The following AUTS2 variants were observed in gnomAD, a reference collection of about 807,000 sequenced individuals.
AUTS2 encodes activator of transcription and developmental regulator AUTS2.
Under a neutral mutation model 112.4 loss-of-function variants are expected in AUTS2, and 17 were observed. That is an observed-to-expected ratio of 0.15 (90% CI 0.10 to 0.23). The LOEUF (loss-of-function observed/expected upper bound fraction) is 0.23, where lower values mean the gene tolerates loss of function less well. AUTS2 is among the 10% of genes least tolerant of loss of function. The pLI is 1.00. For missense variants in AUTS2, 1,510 were observed against 1,701.6 expected, an observed-to-expected ratio of 0.89 and a Z score of 1.98; for synonymous variants, 751 against 702.7, an observed-to-expected ratio of 1.07 and a Z score of -1.09.
chr7:70,762,355 T>G (rs1789616704), intron 6 of AUTS2, among the ~76,000 whole-genome samples: 1 of 152,132 alleles, frequency 6.6e-6, no homozygotes, highest in African/African-American at 2.4e-5. Flanking sequence ...CAGGGTGCTC[T>G]TGAACTCCTG....
intron 1 of AUTS2, among the ~76,000 whole-genome samples, chr7:69,710,710 C>G (rs367586374): frequency 6.6e-5 from 10 of 152,204 alleles, no homozygotes; most frequent in Non-Finnish European, 1.3e-4. Context: ...GAAGATGGCT[C>G]GACTCTGACT....
At chr7:70,758,207 T>C (rs2178044) in intron 6 of AUTS2, among the ~76,000 whole-genome samples, 66,874 of 152,070 alleles carry the variant, frequency 0.44, 17,127 homozygotes, top group Non-Finnish European at 0.58. Flanking sequence ...AGGTGTTCCA[T>C]TGTGTGGATC....
Position 70,554,155 on chromosome 7 carries a change from G to A in AUTS2, c.690+118374G>A, listed in dbSNP as rs184796787. Among the ~76,000 whole-genome samples the A allele has an allele frequency of 2.0e-3, 288 of 144,420 alleles. 1 individual carries two copies. Among genetic ancestry groups the A allele is most frequent in the African/African-American group, 7.0e-3 (271 of 38,936 alleles). 94.7% of individuals were successfully genotyped at this position (144,420 alleles called of 152,430 possible). On this transcript the variant is annotated intron_variant, in intron 5 of 18. Coordinates refer to ENST00000342771, the MANE Select transcript of AUTS2 (RefSeq NM_015570.4). ...GCGATCTCCACTCAATGCAACCTCC[G>A]CCTCCTGGGTTCAAGTGATTCTCCT... is the stretch of plus-strand genomic sequence containing the variant.
chr7:69,604,104 A>G (rs1792582210), intron 1 of AUTS2, among the ~76,000 whole-genome samples: 1 of 152,224 alleles, frequency 6.6e-6, no homozygotes, highest in South Asian at 2.1e-4. Context: ...TAGGCTTATG[A>G]AAGTAAAGGA....
chr7:70,433,372 C>T (rs1022488178), intron 4 of AUTS2, among the ~76,000 whole-genome samples: 1 of 152,190 alleles, frequency 6.6e-6, no homozygotes. Flanking sequence ...ATGAGCCTGC[C>T]TGGCAAAATA....
chr7:70,595,378 A>T (rs1461003147), intron 5 of AUTS2, among the ~76,000 whole-genome samples: 2 of 151,968 alleles, frequency 1.3e-5, no homozygotes, highest in Non-Finnish European at 1.5e-5. Flanking sequence ...TTTCTGAACT[A>T]TGTTGGCATA....
intron 5 of AUTS2, among the ~76,000 whole-genome samples, chr7:70,658,911 G>A (rs1462909703): frequency 6.6e-6 from 1 of 152,126 alleles, no homozygotes; most frequent in East Asian, 1.9e-4. Context: ...GCAGAAATGG[G>A]GAAATTTCAT....
intron 4 of AUTS2, among the ~76,000 whole-genome samples, chr7:70,361,814 A>G (rs1003594811): frequency 3.3e-5 from 5 of 152,182 alleles, no homozygotes; most frequent in African/African-American, 1.2e-4. Flanking sequence ...TCAACTCTGC[A>G]AGCTACTAAA....
At chr7:70,456,004 T>A (rs1796724304) in intron 5 of AUTS2, among the ~76,000 whole-genome samples, 1 of 152,156 alleles carries the variant, frequency 6.6e-6, no homozygotes, top group Non-Finnish European at 1.5e-5. Context: ...AACTTCAGTA[T>A]CCTCAGCTTT....
chr7:70,514,407 T>C (rs1300197605), intron 5 of AUTS2, among the ~76,000 whole-genome samples: 1 of 152,244 alleles, frequency 6.6e-6, no homozygotes, highest in Admixed American at 6.5e-5. Context: ...GCTTGGCTTC[T>C]GGTGAGGCCT....
chr7:70,565,890 A>C (rs1198584377), intron 5 of AUTS2, among the ~76,000 whole-genome samples: 1 of 152,210 alleles, frequency 6.6e-6, no homozygotes, highest in Non-Finnish European at 1.5e-5. Context: ...AAGCAAGTTC[A>C]AGGTAGCTTG....
chr7:70,727,720 A>C (rs1472565085), intron 6 of AUTS2, among the ~76,000 whole-genome samples: 1 of 152,212 alleles, frequency 6.6e-6, no homozygotes. Flanking sequence ...TTAATCATCT[A>C]ATGTATCCCA....
intron 5 of AUTS2, among the ~76,000 whole-genome samples, chr7:70,633,077 T>TC (rs1440066832): frequency 1.1e-4 from 16 of 151,928 alleles, no homozygotes; most frequent in Non-Finnish European, 1.9e-4. Context: ...CCCCATGGGG[T>TC]AGAGGGCAAG....
intron 2 of AUTS2, among the ~76,000 whole-genome samples, chr7:70,054,124 T>C (rs1209939113): frequency 6.6e-6 from 1 of 152,200 alleles, no homozygotes; most frequent in African/African-American, 2.4e-5. Context: ...ATGCATTTGA[T>C]ATGTGGCTAG....
Position 70,290,543 on chromosome 7 carries a change from A to G in AUTS2, c.661-145209A>G, listed in dbSNP as rs749626480. On this transcript the variant is annotated intron_variant, in intron 4 of 18. Transcript: ENST00000342771. ...GTGTGGTCACTCACATTTGAATTCT[A>G]ATACTCTATGTGATATAGATTCTGT... The G allele has an allele frequency of 5.9e-6, 9 of 1,521,772 alleles. No homozygotes were observed. The Admixed American group carries it at 9.1e-5, about 15-fold the overall frequency. The allele number at this position is 1,521,772 out of a possible 1,614,324, so 94.3% of individuals were successfully genotyped here. A position where few individuals can be genotyped will look rare whatever the true frequency, so the allele number is the denominator to read the frequency against.
chr7:70,220,786 T>C (rs1562796551), intron 4 of AUTS2, among the ~76,000 whole-genome samples: 1 of 152,202 alleles, frequency 6.6e-6, no homozygotes, highest in Non-Finnish European at 1.5e-5. Flanking sequence ...ATTCCTATCA[T>C]TTTTCCCCCA....
intron 5 of AUTS2, among the ~76,000 whole-genome samples, chr7:70,577,667 T>C (rs1438096750): frequency 6.6e-6 from 1 of 152,178 alleles, no homozygotes; most frequent in African/African-American, 2.4e-5. Flanking sequence ...ACGGCAACAG[T>C]TTCTTAGTTT....
intron 1 of AUTS2, among the ~76,000 whole-genome samples, chr7:69,730,350 T>G (rs1018297567): frequency 3.9e-5 from 6 of 152,290 alleles, no homozygotes; most frequent in Non-Finnish European, 8.8e-5. Flanking sequence ...ATGAACAAAC[T>G]TGTCATCCCT....
chr7:69,683,840 G>T (rs1796932667), intron 1 of AUTS2, among the ~76,000 whole-genome samples: 1 of 151,670 alleles, frequency 6.6e-6, no homozygotes, highest in African/African-American at 2.4e-5. Context: ...GAACCTGGGA[G>T]GTGGAGGTTG....
Sources: allele counts gnomAD v4.1 joint callset (sites outside exome capture counted in the v4.1 genomes callset), GRCh38; gene constraint gnomAD v4.1.1; transcripts MANE v1.5; gene names NCBI Gene and HGNC (gene_info 2026-07-23, HGNC 2026-07-21).